WFDC1: variants seen among roughly 807,000 people sequenced by gnomAD.
The protein encoded by WFDC1 is WAP four-disulfide core domain protein 1.
Under a neutral mutation model 32.9 loss-of-function variants are expected in WFDC1, and 39 were observed. The observed-to-expected ratio is 1.19, with a 90% confidence interval of 0.92 to 1.55. The LOEUF (loss-of-function observed/expected upper bound fraction) is 1.55, where lower values mean the gene tolerates loss of function less well. Among genes scored for constraint, WFDC1 ranks in the 40% most tolerant of loss-of-function variants. The probability of loss-of-function intolerance (pLI) is 0.00; values close to 1 mark genes in which losing one functional copy is unlikely to be tolerated. For missense variants in WFDC1, 386 were observed against 309.5 expected (o/e 1.25, Z -1.85); for synonymous variants, 184 against 137.4 (o/e 1.34, Z -2.37).
At chr16:84,307,177 G>A (rs756306576) in intron 1 of WFDC1, among the ~76,000 whole-genome samples, 1 of 152,110 alleles carries the variant, frequency 6.6e-6, no homozygotes, top group Non-Finnish European at 1.5e-5. Flanking sequence ...ATTCCAGTCC[G>A]ACCTCTAGGC....
At chr16:84,318,245 C>A in intron 2 of WFDC1, 27 bp from the exon 3 acceptor site, 1 of 1,612,538 alleles carries the variant, frequency 6.2e-7, no homozygotes, top group South Asian at 1.1e-5. Context: ...TTGAGGAGGG[C>A]CCTGATCTGA....
intron 5 of WFDC1, 28 bp downstream of exon 5, chr16:84,324,488 C>T: frequency 6.2e-7 from 1 of 1,604,040 alleles, no homozygotes; most frequent in Non-Finnish European, 8.5e-7. Flanking sequence ...TCTTTCTTTC[C>T]AGAGGGCACA....
At chr16:84,325,130 C>T (rs917379245) in intron 5 of WFDC1, among the ~76,000 whole-genome samples, 13 of 151,974 alleles carry the variant, frequency 8.6e-5, no homozygotes, top group African/African-American at 2.9e-4. Context: ...TACCTATTCA[C>T]CAATCATCCA....
chr16:84,303,635 G>C (rs897568672), intron 1 of WFDC1, among the ~76,000 whole-genome samples: 2 of 152,136 alleles, frequency 1.3e-5, no homozygotes, highest in African/African-American at 4.8e-5. Context: ...TCTCTTAGTG[G>C]TATTTTATTC....
intron 4 of WFDC1, among the ~76,000 whole-genome samples, 192 bp from the exon 5 acceptor site, chr16:84,324,227 G>T (rs995033895): frequency 1.3e-5 from 2 of 152,286 alleles, no homozygotes; most frequent in South Asian, 2.1e-4. Context: ...TGGGTTGATG[G>T]CTCTGGATAT....
chr16:84,299,520 G>C (rs950309862), intron 1 of WFDC1, among the ~76,000 whole-genome samples: 2 of 152,178 alleles, frequency 1.3e-5, no homozygotes, highest in African/African-American at 4.8e-5. Flanking sequence ...TGGTGTTTTT[G>C]GTTTTTCTTT....
At position 84,313,017 on chromosome 16, in the gene WFDC1, G is replaced by T; in HGVS notation, c.201G>T (p.Pro67=). The change falls in exon 2 of 7, where the codon CCG becomes CCT. Residue 67 remains proline (P), a synonymous_variant. Coordinates refer to ENST00000219454, the MANE Select transcript of WFDC1 (RefSeq NM_021197.4). ...GPRQPRADRC[P]PPPRTLPPGA... is the part of the protein sequence containing the mutation. ...GGCAGCCCCGAGCAGACCGCTGCCCGCCGCCTCCGCGGACGCTGCCCCCCG... is the reference window on the plus strand; with the variant it reads ...GGCAGCCCCGAGCAGACCGCTGCCCTCCGCCTCCGCGGACGCTGCCCCCCG... 1 of 1,297,538 alleles carries T rather than the reference G, an allele frequency of 7.7e-7. No homozygotes were observed. The highest frequency in any genetic ancestry group is 3.2e-5 in the East Asian group (1 of 30,780). 80.4% of individuals were successfully genotyped at this position (1,297,538 alleles called of 1,614,324 possible). A position where few individuals can be genotyped will look rare whatever the true frequency, so the allele number is the denominator to read the frequency against.
intron 1 of WFDC1, among the ~76,000 whole-genome samples, chr16:84,303,156 A>G (rs1470811060): frequency 1.3e-5 from 2 of 151,570 alleles, no homozygotes; most frequent in African/African-American, 2.4e-5. Context: ...CTCTAAGCCC[A>G]CTGTTCCGGG....
intron 1 of WFDC1, among the ~76,000 whole-genome samples, chr16:84,304,276 C>T (rs1412813225): frequency 6.6e-6 from 1 of 152,190 alleles, no homozygotes; most frequent in Non-Finnish European, 1.5e-5. Context: ...GTCACCCAGG[C>T]TGGATTGCAG....
chr16:84,296,088 A>AC (rs1567647599), intron 1 of WFDC1, among the ~76,000 whole-genome samples: 1 of 151,952 alleles, frequency 6.6e-6, no homozygotes, highest in African/African-American at 2.4e-5. Flanking sequence ...GGTTCCTCCC[A>AC]CCCCCCAGAG....
intron 1 of WFDC1, among the ~76,000 whole-genome samples, chr16:84,302,396 A>C (rs1906993989): frequency 6.6e-6 from 1 of 152,164 alleles, no homozygotes; most frequent in Non-Finnish European, 1.5e-5. Context: ...TAATTTTTCT[A>C]AAAAGCAGCG....
At chr16:84,319,292 T>G (rs1040385779) in intron 3 of WFDC1, 139 bp from the exon 4 acceptor site, 20 of 1,196,198 alleles carry the variant, frequency 1.7e-5, no homozygotes, top group Non-Finnish European at 2.2e-5. Context: ...GCCTGGAACC[T>G]GGGGTACAGA....
chr16:84,307,499 T>C (rs8053452), intron 1 of WFDC1, among the ~76,000 whole-genome samples: 69,528 of 151,528 alleles, frequency 0.46, 16,830 homozygotes, highest in Middle Eastern at 0.6. Flanking sequence ...TTCTGAGAAA[T>C]GACATTTGAA....
At chr16:84,310,212 G>A (rs1907529410) in intron 1 of WFDC1, among the ~76,000 whole-genome samples, 1 of 151,796 alleles carries the variant, frequency 6.6e-6, no homozygotes, top group African/African-American at 2.4e-5. Context: ...TAGAAGCGGG[G>A]GTGGTGTGGC....
intron 5 of WFDC1, chr16:84,326,615 A>G (rs551791002): frequency 2.3e-6 from 1 of 440,448 alleles, no homozygotes; most frequent in East Asian, 3.6e-5. Context: ...GTCGGAAGCA[A>G]TTTGGCCATC....
intron 4 of WFDC1, among the ~76,000 whole-genome samples, chr16:84,322,562 T>TATAA (rs1908370633): frequency 6.6e-6 from 1 of 152,300 alleles, no homozygotes; most frequent in South Asian, 2.1e-4. Flanking sequence ...TCTCCCCACT[T>TATAA]ATAAATCTAC....
rs548380668 is a variant in WFDC1, at chr16:84,328,761, C to T, written c.*16-561C>T. 4.8e-5 allele frequency: 6 copies of T among 125,096 alleles called. No individual in the cohort carries two copies. The East Asian group carries it at 1.4e-3, about 28-fold the overall frequency. The allele number at this position is 125,096 out of a possible 1,614,324, so 7.7% of individuals were successfully genotyped here. A position where few individuals can be genotyped will look rare whatever the true frequency, so the allele number is the denominator to read the frequency against. On this transcript the variant is annotated intron_variant, in intron 6 of 6. Coordinates refer to ENST00000219454, the MANE Select transcript of WFDC1 (RefSeq NM_021197.4). Reference sequence around the variant, plus strand: ...GGAGTTCAAGCCCAGCCTGGCCTGGCCAACATGGTGAAACCCTATCTCTAC... The same window carrying T: ...GGAGTTCAAGCCCAGCCTGGCCTGGTCAACATGGTGAAACCCTATCTCTAC...
rs142444621 is a variant in WFDC1 at position 84,306,220 on chromosome 16, A to G, written c.145-6741A>G. Among the ~76,000 whole-genome samples, 476 of 152,210 alleles carry G rather than the reference A, an allele frequency of 3.1e-3. 1 individual carries two copies. Among genetic ancestry groups the G allele is most frequent in the African/African-American group, 0.011 (445 of 41,506 alleles). ...TAGTGATTTTCCTGTATGATCGCAC[A>G]GCCATGGGGTTCAAACCCAGACGCG... On this transcript the variant is annotated intron_variant, in intron 1 of 6. Transcript: ENST00000219454.
intron 1 of WFDC1, chr16:84,295,460 T>G: frequency 2.3e-6 from 1 of 439,094 alleles, no homozygotes; most frequent in Non-Finnish European, 4.0e-6. Context: ...CCCTGATCAG[T>G]ACCAAATGTT....
Sources: allele counts gnomAD v4.1 joint callset (sites outside exome capture counted in the v4.1 genomes callset), GRCh38; gene constraint gnomAD v4.1.1; transcripts MANE v1.5; gene names NCBI Gene and HGNC (gene_info 2026-07-23, HGNC 2026-07-21).